The following TMEM17 variants were observed in gnomAD, a reference collection of about 807,000 sequenced individuals.
TMEM17 encodes transmembrane protein 17.
A neutral mutation model predicts 19.1 loss-of-function variants in TMEM17; 15 were observed. That is an observed-to-expected ratio of 0.78 (90% CI 0.52 to 1.21). The LOEUF (loss-of-function observed/expected upper bound fraction) is 1.21. TMEM17 is among the 50% of genes most tolerant of loss of function. The pLI is 0.00. For synonymous variants in TMEM17, 103 were observed against 86.9 expected (o/e 1.19, Z -1.03); for missense variants, 245 against 242.3 (o/e 1.01, Z -0.07).
At chr2:62,481,486 G>C in the TMEM17 span, among the ~76,000 whole-genome samples, 7 of 152,214 alleles carry the variant, frequency 4.6e-5, no homozygotes, top group East Asian at 1.3e-3. Context: ...AGAGTGGTGA[G>C]AGTAGGCATC....
the TMEM17 span, among the ~76,000 whole-genome samples, chr2:62,482,028 C>G: frequency 6.6e-6 from 1 of 152,158 alleles, no homozygotes; most frequent in Non-Finnish European, 1.5e-5. Context: ...GTTGGAGAAG[C>G]TGAAGAAGGA....
the TMEM17 span, among the ~76,000 whole-genome samples, chr2:62,480,040 G>A: frequency 3.3e-5 from 5 of 152,034 alleles, no homozygotes; most frequent in African/African-American, 1.2e-4. Flanking sequence ...GTGTATAAGG[G>A]TTCTCTTTTC....
At chr2:62,505,926 A>G in intron 1 of TMEM17, 104 bp downstream of exon 1, 4 of 1,111,884 alleles carry the variant, frequency 3.6e-6, no homozygotes, top group Non-Finnish European at 5.3e-6. Flanking sequence ...GAACTGGCTG[A>G]AGGCGACATC....
chr2:62,474,968 C>T, the TMEM17 span, among the ~76,000 whole-genome samples: 5 of 152,174 alleles, frequency 3.3e-5, no homozygotes, highest in African/African-American at 1.2e-4. Context: ...GTTCACCACC[C>T]CGGCTGCCTA....
chr2:62,454,937 C>G, the TMEM17 span, among the ~76,000 whole-genome samples: 4 of 152,294 alleles, frequency 2.6e-5, no homozygotes, highest in African/African-American at 9.6e-5. Flanking sequence ...GATCTCCTGA[C>G]CTAGTGATTT....
chr2:62,467,608 A>G, the TMEM17 span, among the ~76,000 whole-genome samples: 1 of 152,314 alleles, frequency 6.6e-6, no homozygotes, highest in Admixed American at 6.5e-5. Context: ...TCTCATTGAA[A>G]GACTGAGCAG....
In TMEM17 at chr2:62,502,469, A is replaced by G. The variant is rs1558723291; in HGVS notation, c.286T>C (p.Tyr96His). 6.2e-7 allele frequency: 1 copy of G among 1,612,860 alleles called. No homozygotes were observed. The highest frequency in any genetic ancestry group is 2.2e-5 in the East Asian group (1 of 44,850). The change falls in exon 3 of 4, where the codon TAT becomes CAT. Residue 96 changes from tyrosine to histidine, a missense_variant. By Grantham distance (83) the Tyr-to-His change is moderately conservative. Transcript: ENST00000335390. ...LITLIEAIRL[Y>H]LGYVGNLQEK... is the part of the protein sequence containing the mutation. ...TGTAGGTTACCCACGTAGCCCAGAT[A>G]CAACCGGATGGCTTCAATTAAGGTT...
rs1363018120 is a variant in TMEM17, at chr2:62,506,105, G to A, written c.25C>T (p.Gln9Ter). The A allele has an allele frequency of 1.9e-6, 3 of 1,611,024 alleles. No individual in the cohort carries two copies. The highest frequency in any genetic ancestry group is 2.7e-5 in the African/African-American group (2 of 74,666). MELPDPVR[Q>*]RLGNFSRAVF... ...GCCCGGCTGAAGTTTCCCAGCCGCT[G>A]GCGCACCGGATCCGGCAGCTCCATG... is the stretch of plus-strand genomic sequence containing the variant. The change falls in exon 1 of 4, where the codon CAG (glutamine) becomes TAG (stop). Residue 9 changes from glutamine to a stop codon, truncating the protein, a stop_gained. Transcript: ENST00000335390. LOFTEE classifies it high-confidence loss of function.
chr2:62,465,739 TTTG>T, the TMEM17 span, among the ~76,000 whole-genome samples: 1 of 152,306 alleles, frequency 6.6e-6, no homozygotes, highest in East Asian at 1.9e-4. Flanking sequence ...CTCTATTATT[TTTG>T]TTATTTGACT....
chr2:62,484,721 T>C, the TMEM17 span, among the ~76,000 whole-genome samples: 1 of 152,162 alleles, frequency 6.6e-6, no homozygotes, highest in African/African-American at 2.4e-5. Flanking sequence ...CAGCTTCTAT[T>C]TGAGGGTTTT....
chr2:62,480,739 T>C, the TMEM17 span, among the ~76,000 whole-genome samples: 3 of 152,228 alleles, frequency 2.0e-5, no homozygotes, highest in African/African-American at 7.2e-5. Context: ...GACTCATTTC[T>C]AGGTTCTCTA....
chr2:62,462,610 T>C, the TMEM17 span, among the ~76,000 whole-genome samples: 1 of 152,162 alleles, frequency 6.6e-6, no homozygotes, highest in African/African-American at 2.4e-5. Flanking sequence ...ACAGAAACAC[T>C]GGTAATCAGG....
chr2:62,468,904 C>T, the TMEM17 span, among the ~76,000 whole-genome samples: 1 of 152,140 alleles, frequency 6.6e-6, no homozygotes, highest in African/African-American at 2.4e-5. Context: ...GGAACAAGAA[C>T]CAAAGGTAAC....
At chr2:62,499,558 C>T (rs1452915982), downstream of TMEM17, among the ~76,000 whole-genome samples, 15 of 152,078 alleles carry the variant, frequency 9.9e-5, no homozygotes, top group Non-Finnish European at 4.4e-5. Flanking sequence ...TATATATAAT[C>T]ATAAAGAGCA....
At chr2:62,479,764 A>G in the TMEM17 span, among the ~76,000 whole-genome samples, 1 of 152,022 alleles carries the variant, frequency 6.6e-6, no homozygotes, top group Non-Finnish European at 1.5e-5. Flanking sequence ...GCAAATGCCT[A>G]TAATCCCAGC....
At chr2:62,503,975 C>T (rs959914278) in intron 1 of TMEM17, among the ~76,000 whole-genome samples, 1 of 152,208 alleles carries the variant, frequency 6.6e-6, no homozygotes, top group African/African-American at 2.4e-5. Flanking sequence ...CTACAAAATA[C>T]ATCCTAAATT....
chr2:62,498,726 TA>T (rs1341490615), downstream of TMEM17, among the ~76,000 whole-genome samples: 3 of 133,892 alleles, frequency 2.2e-5, no homozygotes, highest in Non-Finnish European at 3.3e-5. Context: ...AAAAATAAAA[TA>T]AAATAAAATA....
intron 1 of TMEM17, among the ~76,000 whole-genome samples, chr2:62,505,078 GA>G (rs1218952170): frequency 6.6e-5 from 10 of 152,098 alleles, no homozygotes; most frequent in Non-Finnish European, 1.0e-4. Flanking sequence ...CTACATTTGG[GA>G]AATAGGCAAG....
the TMEM17 span, among the ~76,000 whole-genome samples, chr2:62,488,897 A>T: frequency 6.6e-6 from 1 of 151,394 alleles, no homozygotes; most frequent in Non-Finnish European, 1.5e-5. Context: ...AACAAGACAC[A>T]CACAGGAACA....
Sources: gnomAD v4.1 joint callset for allele counts (sites outside exome capture counted in the v4.1 genomes callset) on GRCh38, gnomAD v4.1.1 for gene constraint, MANE v1.5 for transcripts, NCBI Gene and HGNC (gene_info 2026-07-23, HGNC 2026-07-21) for gene names.